The following MYO18B variants were observed in gnomAD, a reference collection of about 807,000 sequenced individuals.
The protein encoded by MYO18B is unconventional myosin-XVIIIb.
Under a neutral mutation model 273.0 loss-of-function variants are expected in MYO18B, and 204 were observed. That is an observed-to-expected ratio of 0.75 (90% confidence interval 0.67 to 0.84). The LOEUF (loss-of-function observed/expected upper bound fraction) is 0.84, where lower values mean the gene tolerates loss of function less well. Ranked by LOEUF, MYO18B falls within the 40% of genes least tolerant of loss-of-function variation. The pLI is 0.00. For synonymous variants in MYO18B, 1,330 were observed against 1,305.7 expected, an observed-to-expected ratio of 1.02 and a Z score of -0.40; for missense variants, 3,212 against 3,287.6, an observed-to-expected ratio of 0.98 and a Z score of 0.56.
At chr22:25,947,917 C>T (rs1247931368) in intron 36 of MYO18B, 89 bp downstream of exon 36, 1 of 935,604 alleles carries the variant, frequency 1.1e-6, no homozygotes, top group Non-Finnish European at 1.7e-6. Context: ...TTGGACTACT[C>T]CCTGGTCTTA....
intron 34 of MYO18B, among the ~76,000 whole-genome samples, chr22:25,923,620 T>A (rs2092380020): frequency 6.6e-6 from 1 of 152,220 alleles, no homozygotes; most frequent in Non-Finnish European, 1.5e-5. Context: ...ACATTGCGTC[T>A]TCCTGTCTGC....
At chr22:25,920,377 A>C (rs1056628158) in intron 33 of MYO18B, among the ~76,000 whole-genome samples, 18 of 152,194 alleles carry the variant, frequency 1.2e-4, no homozygotes, top group Admixed American at 1.0e-3. Flanking sequence ...CAGCTGTCGA[A>C]ATTTCATGTA....
At chr22:26,062,244 A>C in the MYO18B span, among the ~76,000 whole-genome samples, 972 of 152,222 alleles carry the variant, frequency 6.4e-3, 17 homozygotes, top group African/African-American at 0.022. Context: ...CTTCAACAAC[A>C]GAGTTGTGAT....
intron 39 of MYO18B, among the ~76,000 whole-genome samples, chr22:25,990,804 G>A (rs9620580): frequency 0.01 from 1,516 of 149,362 alleles, 25 homozygotes; most frequent in African/African-American, 0.036. Context: ...TCCATGGGGA[G>A]CTGGGAATTG....
intron 39 of MYO18B, chr22:25,959,047 C>T (rs2092887086): frequency 6.6e-6 from 1 of 152,184 alleles, no homozygotes; most frequent in Non-Finnish European, 1.5e-5. Context: ...TATATAACTG[C>T]ATGAGAAAAT....
intron 29 of MYO18B, chr22:25,899,502 G>C (rs1206742663): frequency 6.6e-6 from 1 of 152,182 alleles, no homozygotes. Context: ...TTTCCATGGA[G>C]GTGGCATAGA....
chr22:25,785,131 G>T (rs2087327155), intron 10 of MYO18B, among the ~76,000 whole-genome samples: 1 of 152,188 alleles, frequency 6.6e-6, no homozygotes, highest in African/African-American at 2.4e-5. Context: ...CCTTGAGTGA[G>T]GTCGCTCAGC....
chr22:26,050,688 C>G, the MYO18B span, among the ~76,000 whole-genome samples: 1 of 152,122 alleles, frequency 6.6e-6, no homozygotes, highest in Admixed American at 6.5e-5. Flanking sequence ...TATGCTTTAT[C>G]TTTAGTTTTC....
intron 1 of MYO18B, among the ~76,000 whole-genome samples, chr22:25,749,688 C>T (rs12168831): frequency 0.12 from 17,835 of 152,040 alleles, 1,429 homozygotes; most frequent in East Asian, 0.27. Context: ...GATGTCAGGG[C>T]GGTCGTCTTG....
intron 22 of MYO18B, 102 bp from the exon 23 acceptor site, chr22:25,874,184 G>T (rs2091125730): frequency 2.1e-6 from 3 of 1,398,588 alleles, no homozygotes; most frequent in African/African-American, 1.4e-5. Flanking sequence ...AACAAATATT[G>T]CAGGTGGGTG....
At chr22:25,954,964 C>T (rs1180839892) in intron 38 of MYO18B, among the ~76,000 whole-genome samples, 2 of 152,216 alleles carry the variant, frequency 1.3e-5, no homozygotes, top group Non-Finnish European at 2.9e-5. Flanking sequence ...CATGCCTCGG[C>T]CTCCCAAAGT....
chr22:25,780,124 A>G lies in MYO18B; in HGVS notation c.2137A>G (p.Ser713Gly). ...CTCTGTGTCCATGGCCCACAGCCGC[A>G]GTGCCACCCGGTTCTCCATGGTGAT... ...FGSVSMAHSR[S>G]ATRFSMVMSL... Residue 713 changes from serine (S) to glycine (G), a missense_variant, in exon 9 of 44, where the codon AGT becomes GGT. Physicochemically the swap from Ser to Gly is moderately conservative, Grantham distance 56. Transcript: ENST00000335473. 6.2e-7 allele frequency: 1 copy of G among 1,604,706 alleles called. No individual in the cohort carries two copies.
At position 25,883,002 on chromosome 22, in the gene MYO18B, A is replaced by G. The variant is rs1440788978; in HGVS notation, c.4314+4954A>G. Among the ~76,000 whole-genome samples the G allele has an allele frequency of 6.6e-6, 1 of 151,862 alleles. No individual in the cohort carries two copies. The highest frequency in any genetic ancestry group is 1.5e-5 in the Non-Finnish European group (1 of 67,958). On this transcript the variant is annotated intron_variant, in intron 25 of 43. Coordinates refer to ENST00000335473, the MANE Select transcript of MYO18B (RefSeq NM_032608.7). The surrounding 1 kb of genome is among the most constrained non-coding windows in gnomAD (Gnocchi z 7.6). Reference sequence around the variant, plus strand: ...GCCTCAACCTCCTGGGCTAAAGCGAACCTCCTACTTCAGCCTCCCATGTAG... The same window carrying G: ...GCCTCAACCTCCTGGGCTAAAGCGAGCCTCCTACTTCAGCCTCCCATGTAG...
chr22:25,777,812 T>A, intron 8 of MYO18B, 31 bp downstream of exon 8: 2 of 1,552,170 alleles, frequency 1.3e-6, no homozygotes, highest in South Asian at 2.5e-5. Flanking sequence ...CATGGAGAGT[T>A]GGGGTCAGCA....
At chr22:25,985,960 C>T (rs941259324) in intron 39 of MYO18B, among the ~76,000 whole-genome samples, 2 of 152,204 alleles carry the variant, frequency 1.3e-5, no homozygotes, top group Admixed American at 6.5e-5. Flanking sequence ...CCACTTCACA[C>T]CCTCCAGCGT....
At chr22:25,992,289 C>G in intron 39 of MYO18B, 74 bp from the exon 40 acceptor site, 1 of 1,576,800 alleles carries the variant, frequency 6.3e-7, no homozygotes, top group Non-Finnish European at 8.7e-7. Flanking sequence ...TGGGGCGTGT[C>G]TCTTCCCCAG....
In MYO18B at chr22:26,027,808, T is replaced by C. The variant is rs2147027308; in HGVS notation, c.*12+118T>C. 2 of 1,123,560 alleles carry C rather than the reference T, an allele frequency of 1.8e-6. No individual in the cohort carries two copies. The highest frequency in any genetic ancestry group is 3.4e-5 in the South Asian group (2 of 59,314). The allele number at this position is 1,123,560 out of a possible 1,614,324, so 69.6% of individuals were successfully genotyped here. Reference sequence around the variant, plus strand: ...CAACCGATTTCTCTAGAGACCAAGATTTTTAGAGGTTTTAGCTGAAGTCAT... The same window carrying C: ...CAACCGATTTCTCTAGAGACCAAGACTTTTAGAGGTTTTAGCTGAAGTCAT... On this transcript the variant is annotated intron_variant, in intron 43 of 43. Coordinates refer to ENST00000335473, the MANE Select transcript of MYO18B (RefSeq NM_032608.7). The surrounding 1 kb of genome is among the most constrained non-coding windows in gnomAD (Gnocchi z 4.1).
At chr22:25,936,915 C>T (rs1194172606) in intron 34 of MYO18B, among the ~76,000 whole-genome samples, 1 of 152,114 alleles carries the variant, frequency 6.6e-6, no homozygotes, top group African/African-American at 2.4e-5. Flanking sequence ...AGCCTCATCT[C>T]CTAATACCAT....
intron 36 of MYO18B, among the ~76,000 whole-genome samples, chr22:25,948,552 C>CCTTCCTTCCTTCCTTCCT (rs2092754799): frequency 6.9e-6 from 1 of 145,520 alleles, no homozygotes; most frequent in South Asian, 2.2e-4. Context: ...TCCTTCCTTT[C>CCTTCCTTCCTTCCTTCCT]TCTTTCTCTT....
Sources: allele counts gnomAD v4.1 joint callset (sites outside exome capture counted in the v4.1 genomes callset), GRCh38; gene constraint gnomAD v4.1.1; non-coding constraint Gnocchi (gnomAD v3.1); transcripts MANE v1.5; gene names NCBI Gene and HGNC (gene_info 2026-07-23, HGNC 2026-07-21).